Variants in TMEM117 observed in about 807,000 individuals in gnomAD.
TMEM117 encodes transmembrane protein 117.
Under a neutral mutation model 52.4 loss-of-function variants are expected in TMEM117, and 27 were observed. The observed-to-expected ratio is 0.51, with a 90% CI of 0.38 to 0.71. The LOEUF (loss-of-function observed/expected upper bound fraction) is 0.71. Ranked by LOEUF, TMEM117 falls within the 30% of genes least tolerant of loss-of-function variation. The pLI is 0.00. For missense variants in TMEM117, 556 were observed against 630.5 expected (o/e 0.88, Z 1.26); for synonymous variants, 215 against 206.3 (o/e 1.04, Z -0.36).
intron 2 of TMEM117, among the ~76,000 whole-genome samples, chr12:43,880,974 A>G (rs781048368): frequency 2.0e-5 from 3 of 152,262 alleles, no homozygotes; most frequent in Non-Finnish European, 4.4e-5. Flanking sequence ...CCTGTGATTC[A>G]GAAAATTCTA....
At position 44,381,025 on chromosome 12, in the gene TMEM117, G is replaced by C. The variant is rs575331304; in HGVS notation, c.898+4301G>C. 1.7e-3 allele frequency among the ~76,000 whole-genome samples: 263 copies of C among 152,210 alleles called. 3 individuals carry two copies. Among genetic ancestry groups the C allele is most frequent in the African/African-American group, 6.2e-3 (257 of 41,560 alleles). ...TTTTTTTAATCCTGATTCCAAGCTA[G>C]TTTTATTTATGCATGTCAGAAATAA... is the stretch of plus-strand genomic sequence containing the variant. On this transcript the variant is annotated intron_variant, in intron 7 of 7. Transcript: ENST00000266534.
intron 5 of TMEM117, among the ~76,000 whole-genome samples, chr12:44,298,432 T>G (rs1224949094): frequency 2.0e-5 from 3 of 150,548 alleles, no homozygotes; most frequent in Non-Finnish European, 4.4e-5. Context: ...TTTTTTCTTC[T>G]TATAATTCTA....
intron 4 of TMEM117, among the ~76,000 whole-genome samples, chr12:44,191,733 G>A (rs1949357739): frequency 6.6e-6 from 1 of 152,056 alleles, no homozygotes; most frequent in Non-Finnish European, 1.5e-5. Flanking sequence ...CTGTTCCAAG[G>A]ATGCGAGTCA....
At chr12:44,114,804 T>C (rs1030083607) in intron 3 of TMEM117, among the ~76,000 whole-genome samples, 7 of 152,196 alleles carry the variant, frequency 4.6e-5, no homozygotes, top group African/African-American at 1.4e-4. Flanking sequence ...GTTTAGCTAA[T>C]AGAACAAACA....
chr12:44,398,104 T>G, the TMEM117 span, among the ~76,000 whole-genome samples: 7,976 of 141,010 alleles, frequency 0.057, 347 homozygotes, highest in African/African-American at 0.15. Context: ...GTTTGTTTTG[T>G]TTTGGTTTTT....
At chr12:44,227,502 T>C (rs1461259295) in intron 5 of TMEM117, among the ~76,000 whole-genome samples, 1 of 151,974 alleles carries the variant, frequency 6.6e-6, no homozygotes, top group Non-Finnish European at 1.5e-5. Context: ...AGCAAGAAAA[T>C]GGATTATTTG....
intron 3 of TMEM117, among the ~76,000 whole-genome samples, chr12:44,128,374 A>G (rs1166133931): frequency 2.6e-5 from 4 of 152,168 alleles, no homozygotes; most frequent in Non-Finnish European, 5.9e-5. Flanking sequence ...CTCATGCACA[A>G]CATTTTACAC....
At chr12:44,196,454 T>G (rs1253967840) in intron 4 of TMEM117, among the ~76,000 whole-genome samples, 1 of 152,150 alleles carries the variant, frequency 6.6e-6, no homozygotes, top group African/African-American at 2.4e-5. Context: ...ACCATATGCT[T>G]CAATACAGAA....
At chr12:44,097,779 C>G (rs533705499) in intron 3 of TMEM117, among the ~76,000 whole-genome samples, 1 of 147,662 alleles carries the variant, frequency 6.8e-6, no homozygotes, top group Non-Finnish European at 1.5e-5. Context: ...TTAATGGGTG[C>G]AATACACCAA....
the TMEM117 span, among the ~76,000 whole-genome samples, chr12:43,821,338 T>C: frequency 1.2e-4 from 18 of 152,202 alleles, no homozygotes; most frequent in African/African-American, 4.3e-4. Flanking sequence ...TGGAGTGCAG[T>C]GGTGTGATCA....
At chr12:43,859,052 A>G (rs1321831814) in intron 2 of TMEM117, among the ~76,000 whole-genome samples, 2 of 152,078 alleles carry the variant, frequency 1.3e-5, no homozygotes, top group Non-Finnish European at 2.9e-5. Flanking sequence ...GAATCATAGA[A>G]TCTCAGAGTG....
chr12:44,140,279 A>T (rs1011897285), intron 3 of TMEM117, among the ~76,000 whole-genome samples: 3 of 152,072 alleles, frequency 2.0e-5, no homozygotes, highest in African/African-American at 7.2e-5. Flanking sequence ...CAATTTTTAG[A>T]AGTTTTTAAT....
intron 3 of TMEM117, among the ~76,000 whole-genome samples, chr12:43,957,613 TAA>T (rs1945330827): frequency 6.6e-6 from 1 of 152,210 alleles, no homozygotes. Flanking sequence ...TTGGTATTAA[TAA>T]AGAGAGGCAT....
intron 3 of TMEM117, among the ~76,000 whole-genome samples, chr12:44,067,725 G>T (rs1266152463): frequency 6.6e-6 from 1 of 152,148 alleles, no homozygotes; most frequent in Non-Finnish European, 1.5e-5. Flanking sequence ...GTTAGGTATA[G>T]CATAATTCTT....
chr12:44,323,961 G>A (rs551764876), intron 6 of TMEM117, among the ~76,000 whole-genome samples: 1 of 152,098 alleles, frequency 6.6e-6, no homozygotes, highest in South Asian at 2.1e-4. Context: ...TACATATATA[G>A]GAGCTATTTG....
intron 2 of TMEM117, among the ~76,000 whole-genome samples, chr12:43,849,993 A>G (rs752162863): frequency 1.3e-5 from 2 of 152,028 alleles, no homozygotes; most frequent in African/African-American, 2.4e-5. Flanking sequence ...TATTTTTTTC[A>G]TATTGCTAAA....
intron 3 of TMEM117, among the ~76,000 whole-genome samples, chr12:44,036,762 A>G (rs1166758954): frequency 6.6e-6 from 1 of 152,196 alleles, no homozygotes; most frequent in African/African-American, 2.4e-5. Flanking sequence ...GTTATATGTT[A>G]TGTGTATCTT....
intron 2 of TMEM117, among the ~76,000 whole-genome samples, chr12:43,922,882 A>G (rs1944718347): frequency 1.3e-5 from 2 of 152,186 alleles, no homozygotes; most frequent in Non-Finnish European, 1.5e-5. Flanking sequence ...TAAGACAGAA[A>G]TAAAGCCTGT....
At chr12:44,193,227 C>G (rs1380963464) in intron 4 of TMEM117, among the ~76,000 whole-genome samples, 1 of 152,110 alleles carries the variant, frequency 6.6e-6, no homozygotes, top group Non-Finnish European at 1.5e-5. Flanking sequence ...TTGAACTGTT[C>G]CTAAGAATAC....
Sources: allele counts gnomAD v4.1 joint callset (sites outside exome capture counted in the v4.1 genomes callset), GRCh38; gene constraint gnomAD v4.1.1; transcripts MANE v1.5; gene names NCBI Gene and HGNC (gene_info 2026-07-23, HGNC 2026-07-21).